HPSE2: variants seen among roughly 807,000 people sequenced by gnomAD.
HPSE2 encodes heparanase 2 (inactive).
Under a neutral mutation model 60.5 loss-of-function variants are expected in HPSE2, and 38 were observed. The observed-to-expected ratio is 0.63, with a 90% CI of 0.48 to 0.82. HPSE2 has a LOEUF of 0.82. Among genes scored for constraint, HPSE2 ranks in the 40% least tolerant of loss-of-function variants. The probability of loss-of-function intolerance (pLI) is 0.00; values close to 1 mark genes in which losing one functional copy is unlikely to be tolerated. For synonymous variants in HPSE2, 295 were observed against 293.2 expected (o/e 1.01, Z -0.06); for missense variants, 713 against 740.4 (o/e 0.96, Z 0.43).
chr10:98,524,869 A>G (rs1942913237), intron 9 of HPSE2, among the ~76,000 whole-genome samples: 1 of 152,230 alleles, frequency 6.6e-6, no homozygotes, highest in African/African-American at 2.4e-5. Context: ...ATAAAGATGA[A>G]TGGTAACACT....
intron 9 of HPSE2, among the ~76,000 whole-genome samples, chr10:98,601,890 T>C (rs1284290634): frequency 6.6e-6 from 1 of 152,186 alleles, no homozygotes; most frequent in Non-Finnish European, 1.5e-5. Context: ...CCTAGAAGAC[T>C]TGGGCTTGAA....
At chr10:99,121,070 G>A (rs1285254163) in intron 3 of HPSE2, among the ~76,000 whole-genome samples, 2 of 152,104 alleles carry the variant, frequency 1.3e-5, no homozygotes, top group Non-Finnish European at 2.9e-5. Context: ...GCCCATCAAT[G>A]GTAGACAGAA....
intron 3 of HPSE2, among the ~76,000 whole-genome samples, chr10:98,946,048 A>T (rs11189898): frequency 6.6e-6 from 1 of 151,828 alleles, no homozygotes; most frequent in Non-Finnish European, 1.5e-5. Flanking sequence ...TGTGTAGCCT[A>T]GAAATATCAA....
chr10:99,299,360 A>C, the HPSE2 span, among the ~76,000 whole-genome samples: 2 of 152,214 alleles, frequency 1.3e-5, no homozygotes, highest in Non-Finnish European at 2.9e-5. Context: ...AGACGGAGAA[A>C]CAATCAGAGA....
intron 3 of HPSE2, among the ~76,000 whole-genome samples, chr10:99,050,448 A>G (rs966347904): frequency 6.6e-6 from 1 of 152,216 alleles, no homozygotes; most frequent in African/African-American, 2.4e-5. Flanking sequence ...AAAACTGAAG[A>G]TAGAACTACC....
intron 11 of HPSE2, among the ~76,000 whole-genome samples, chr10:98,475,054 C>A (rs1259919653): frequency 6.6e-6 from 1 of 151,994 alleles, no homozygotes; most frequent in African/African-American, 2.4e-5. Context: ...ACTTTACATT[C>A]AGAATTTCCC....
chr10:98,535,032 G>A (rs1366122924), intron 9 of HPSE2, among the ~76,000 whole-genome samples: 1 of 152,142 alleles, frequency 6.6e-6, no homozygotes, highest in Non-Finnish European at 1.5e-5. Context: ...CAGATTTTAG[G>A]AGAGCAAGTG....
the HPSE2 span, among the ~76,000 whole-genome samples, chr10:99,247,874 C>A: frequency 2.0e-5 from 3 of 152,262 alleles, no homozygotes; most frequent in East Asian, 5.8e-4. Flanking sequence ...GTAGCACCTA[C>A]CCCTTCTCTC....
chr10:99,131,496 T>C (rs1564831848), intron 3 of HPSE2, among the ~76,000 whole-genome samples: 1 of 152,004 alleles, frequency 6.6e-6, no homozygotes, highest in Non-Finnish European at 1.5e-5. Flanking sequence ...TATGTGTATA[T>C]ATATATATGT....
At chr10:98,944,351 C>T (rs573781303) in intron 3 of HPSE2, among the ~76,000 whole-genome samples, 1 of 152,168 alleles carries the variant, frequency 6.6e-6, no homozygotes, top group East Asian at 1.9e-4. Flanking sequence ...ACTGAACAAG[C>T]CTCTCGGTCA....
At chr10:98,715,420 A>C (rs917367845) in intron 5 of HPSE2, among the ~76,000 whole-genome samples, 3 of 151,950 alleles carry the variant, frequency 2.0e-5, no homozygotes, top group Non-Finnish European at 4.4e-5. Flanking sequence ...TTTTTAAAGC[A>C]CTGGATCTTG....
chr10:98,556,282 T>C (rs942970580), intron 9 of HPSE2, among the ~76,000 whole-genome samples: 1 of 152,284 alleles, frequency 6.6e-6, no homozygotes, highest in South Asian at 2.1e-4. Flanking sequence ...GAAGGAAGTA[T>C]GAACAACAGA....
chr10:99,032,893 T>A (rs1957529018), intron 3 of HPSE2, among the ~76,000 whole-genome samples: 1 of 152,212 alleles, frequency 6.6e-6, no homozygotes, highest in South Asian at 2.1e-4. Context: ...GCCTAGGTCC[T>A]CCACTTTTAA....
chr10:98,715,393 C>A (rs1948766813), intron 5 of HPSE2, among the ~76,000 whole-genome samples: 1 of 151,808 alleles, frequency 6.6e-6, no homozygotes, highest in African/African-American at 2.4e-5. Context: ...TATAAGGATA[C>A]CAATTACAGA....
At chr10:99,106,536 T>A (rs1182951249) in intron 3 of HPSE2, among the ~76,000 whole-genome samples, 1 of 151,868 alleles carries the variant, frequency 6.6e-6, no homozygotes. Flanking sequence ...AACTGGGTCA[T>A]GATATATATA....
chr10:98,920,209 G>A (rs1165778248), intron 3 of HPSE2, among the ~76,000 whole-genome samples: 1 of 152,108 alleles, frequency 6.6e-6, no homozygotes, highest in East Asian at 1.9e-4. Flanking sequence ...GGGAACTTTT[G>A]CTTAAAGACT....
chr10:98,576,044 G>A (rs1316436938), intron 9 of HPSE2, among the ~76,000 whole-genome samples: 3 of 152,028 alleles, frequency 2.0e-5, no homozygotes, highest in Non-Finnish European at 4.4e-5. Context: ...TTGTTTCTGA[G>A]TAGAATGAAG....
intron 3 of HPSE2, among the ~76,000 whole-genome samples, chr10:98,778,253 T>TGA (rs1589811556): frequency 4.2e-5 from 1 of 23,944 alleles, no homozygotes. Flanking sequence ...GGATGCTCAG[T>TGA]GAGAGAGAGA....
In HPSE2 at chr10:98,929,259, T is replaced by C. The variant is rs570987573; in HGVS notation, c.611-185203A>G. Among the ~76,000 whole-genome samples, 152 of 143,716 alleles carry C rather than the reference T, an allele frequency of 1.1e-3. 29 individuals are homozygous for C. The highest frequency in any genetic ancestry group is 4.1e-3 in the African/African-American group (145 of 35,378). The allele number at this position is 143,716 out of a possible 152,430, so 94.3% of individuals were successfully genotyped here. On this transcript the variant is annotated intron_variant, in intron 3 of 11. Coordinates refer to ENST00000370552, the MANE Select transcript of HPSE2 (RefSeq NM_021828.5). ...AAGAAATTGGAAGCTTCAGCATCAG[T>C]GGACACTGCAGATCCTATAATCTTC...
Sources: allele counts gnomAD v4.1 joint callset (sites outside exome capture counted in the v4.1 genomes callset), GRCh38; gene constraint gnomAD v4.1.1; transcripts MANE v1.5; gene names NCBI Gene and HGNC (gene_info 2026-07-23, HGNC 2026-07-21).